GRM7: variants seen among roughly 807,000 people sequenced by gnomAD.
GRM7 encodes metabotropic glutamate receptor 7.
Under a neutral mutation model 84.5 loss-of-function variants are expected in GRM7, and 35 were observed. The ratio of observed to expected loss-of-function variants is 0.41; its 90% CI spans 0.32 to 0.55. The LOEUF (loss-of-function observed/expected upper bound fraction) is 0.55, where lower values mean the gene tolerates loss of function less well. Among genes scored for constraint, GRM7 ranks in the 20% least tolerant of loss-of-function variants. The pLI, the probability that GRM7 is intolerant of heterozygous loss-of-function variation, is 0.19. For synonymous variants in GRM7, 487 were observed against 455.1 expected (o/e 1.07, Z -0.89); for missense variants, 1,003 against 1,194.6 (o/e 0.84, Z 2.36).
intron 9 of GRM7, among the ~76,000 whole-genome samples, chr3:7,711,216 G>A (rs1236368076): frequency 6.6e-6 from 1 of 152,164 alleles, no homozygotes; most frequent in Non-Finnish European, 1.5e-5. Context: ...TGTGGCTGGG[G>A]GTTGCTATTT....
intron 2 of GRM7, among the ~76,000 whole-genome samples, chr3:7,241,038 A>T (rs763101125): frequency 1.4e-4 from 21 of 152,148 alleles, no homozygotes; most frequent in Non-Finnish European, 2.9e-4. Flanking sequence ...ATGATGTTTG[A>T]CAAAATCCCC....
At chr3:7,378,705 C>A (rs572239903) in intron 4 of GRM7, among the ~76,000 whole-genome samples, 1 of 152,022 alleles carries the variant, frequency 6.6e-6, no homozygotes, top group Non-Finnish European at 1.5e-5. Flanking sequence ...ATAATAAAAT[C>A]TTAAAATATA....
At chr3:7,505,698 T>C (rs1700019999) in intron 7 of GRM7, among the ~76,000 whole-genome samples, 1 of 152,178 alleles carries the variant, frequency 6.6e-6, no homozygotes, top group South Asian at 2.1e-4. Context: ...CTGGGACCAT[T>C]TGAGCCATAG....
intron 1 of GRM7, among the ~76,000 whole-genome samples, chr3:7,041,567 A>T (rs1469193638): frequency 6.6e-6 from 1 of 152,248 alleles, no homozygotes; most frequent in Non-Finnish European, 1.5e-5. Flanking sequence ...CTACTATTAC[A>T]AGTGAAGCTG....
At chr3:7,247,607 A>T (rs1331628757) in intron 2 of GRM7, among the ~76,000 whole-genome samples, 2 of 150,328 alleles carry the variant, frequency 1.3e-5, no homozygotes, top group African/African-American at 4.9e-5. Context: ...TTTTTTAAAA[A>T]AAAAAAAAAA....
At chr3:7,733,632 A>G (rs1010919999) in intron 9 of GRM7, among the ~76,000 whole-genome samples, 6 of 152,186 alleles carry the variant, frequency 3.9e-5, no homozygotes, top group Non-Finnish European at 8.8e-5. Context: ...AGAAGGTCTC[A>G]GCCTTATTTT....
chr3:7,392,995 C>A (rs1418340461), intron 4 of GRM7, among the ~76,000 whole-genome samples: 1 of 151,954 alleles, frequency 6.6e-6, no homozygotes, highest in African/African-American at 2.4e-5. Context: ...AGGATGCAGC[C>A]CAGAGTTAAA....
At chr3:7,076,630 C>A (rs1446934529) in intron 1 of GRM7, among the ~76,000 whole-genome samples, 2 of 152,092 alleles carry the variant, frequency 1.3e-5, no homozygotes, top group African/African-American at 2.4e-5. Flanking sequence ...CTGTGACAGA[C>A]TAATGCAGCA....
intron 4 of GRM7, among the ~76,000 whole-genome samples, chr3:7,414,538 T>C (rs529005281): frequency 6.6e-6 from 1 of 152,286 alleles, no homozygotes; most frequent in South Asian, 2.1e-4. Flanking sequence ...TCCTCGTCCC[T>C]GCTCATCTGG....
At chr3:7,390,747 T>C (rs528355095) in intron 4 of GRM7, among the ~76,000 whole-genome samples, 38 of 152,138 alleles carry the variant, frequency 2.5e-4, no homozygotes, top group Middle Eastern at 3.2e-3. Context: ...TTTCAAATCT[T>C]GGATCTTTTT....
In GRM7 at chr3:7,542,201, C is replaced by T. The variant is rs1388706420; in HGVS notation, c.1516-36221C>T. Among the ~76,000 whole-genome samples, 3 of 152,192 alleles carry T rather than the reference C, an allele frequency of 2.0e-5. No homozygotes were observed. The East Asian group carries it at 5.8e-4, about 29-fold the overall frequency. On this transcript the variant is annotated intron_variant, in intron 7 of 9. Transcript: ENST00000357716. ...GAAGTACTGGGAGTAAGTAATTCAA[C>T]ATGTCTTTTTGCAGGACACAATTCA...
intron 8 of GRM7, among the ~76,000 whole-genome samples, chr3:7,622,406 T>C (rs1284225441): frequency 6.6e-6 from 1 of 152,120 alleles, no homozygotes; most frequent in Non-Finnish European, 1.5e-5. Flanking sequence ...ATCAGTTAGA[T>C]GCATTATCAT....
At chr3:7,605,094 A>G (rs1559433811) in intron 8 of GRM7, among the ~76,000 whole-genome samples, 2 of 152,170 alleles carry the variant, frequency 1.3e-5, no homozygotes, top group African/African-American at 2.4e-5. Flanking sequence ...GTTTTTGATT[A>G]AAAAGAAATC....
At chr3:7,068,334 T>C (rs1481370545) in intron 1 of GRM7, among the ~76,000 whole-genome samples, 2 of 152,042 alleles carry the variant, frequency 1.3e-5, no homozygotes, top group African/African-American at 2.4e-5. Context: ...AATAGGGTAA[T>C]GATGTCAGCA....
chr3:7,061,492 T>C (rs1697432987), intron 1 of GRM7, among the ~76,000 whole-genome samples: 2 of 151,526 alleles, frequency 1.3e-5, no homozygotes, highest in African/African-American at 4.8e-5. Context: ...AAACCCGGAG[T>C]TGACTGTTTG....
chr3:7,631,220 C>G (rs1471012086), intron 8 of GRM7, among the ~76,000 whole-genome samples: 2 of 152,146 alleles, frequency 1.3e-5, no homozygotes, highest in Non-Finnish European at 2.9e-5. Context: ...TCTCTTTATG[C>G]CTTGCAGTTT....
At chr3:6,890,397 C>A (rs989467150) in intron 1 of GRM7, among the ~76,000 whole-genome samples, 1 of 151,966 alleles carries the variant, frequency 6.6e-6, no homozygotes, top group Non-Finnish European at 1.5e-5. Flanking sequence ...CTACACACTG[C>A]TTTGAATGTG....
chr3:7,252,378 A>G (rs73128235), intron 2 of GRM7, among the ~76,000 whole-genome samples: 10 of 152,142 alleles, frequency 6.6e-5, no homozygotes, highest in Non-Finnish European at 1.3e-4. Context: ...GACCATCCAA[A>G]ATAGAGTGGT....
chr3:7,206,625 T>G (rs2124833164), intron 2 of GRM7, among the ~76,000 whole-genome samples: 1 of 152,322 alleles, frequency 6.6e-6, no homozygotes, highest in Admixed American at 6.5e-5. Flanking sequence ...CTGTTGTTTC[T>G]GAGGTACAAG....
Sources: allele counts gnomAD v4.1 joint callset (sites outside exome capture counted in the v4.1 genomes callset), GRCh38; gene constraint gnomAD v4.1.1; transcripts MANE v1.5; gene names NCBI Gene and HGNC (gene_info 2026-07-23, HGNC 2026-07-21).